The following ADGRF1 variants were observed in gnomAD, a reference collection of about 807,000 sequenced individuals.
ADGRF1 encodes the protein adhesion G protein-coupled receptor F1.
A neutral mutation model predicts 87.2 loss-of-function variants in ADGRF1; 85 were observed. The observed-to-expected ratio is 0.97, with a 90% confidence interval of 0.82 to 1.17. ADGRF1 has a LOEUF of 1.17. Ranked by LOEUF, ADGRF1 falls within the 50% of genes most tolerant of loss-of-function variation. ADGRF1 has a pLI of 0.00. For missense variants in ADGRF1, 1,169 were observed against 1,077.2 expected (o/e 1.09, Z -1.19); for synonymous variants, 430 against 408.8 (o/e 1.05, Z -0.63).
intron 5 of ADGRF1, among the ~76,000 whole-genome samples, 181 bp downstream of exon 5, chr6:47,023,863 T>C (rs1472101764): frequency 6.6e-6 from 1 of 152,220 alleles, no homozygotes; most frequent in Non-Finnish European, 1.5e-5. Flanking sequence ...CATGTGTTTC[T>C]GGATCTTCTG....
Position 47,032,813 on chromosome 6 carries a change from C to A in ADGRF1, c.-43-3709G>T, listed in dbSNP as rs548411253. 3.9e-5 allele frequency among the ~76,000 whole-genome samples: 6 copies of A among 152,246 alleles called. No homozygotes were observed. In the South Asian group the frequency reaches 1.2e-3, roughly 32 times the overall value. On this transcript the variant is annotated intron_variant, in intron 1 of 14. Transcript: ENST00000371253. ...TGTCAGAATTTGACTTCTCTGAGTG[C>A]ACTTGGGTTAACTGATGGCCATCAC...
At chr6:47,020,200 T>C (rs1056614592) in intron 7 of ADGRF1, 2 of 1,204,200 alleles carry the variant, frequency 1.7e-6, no homozygotes, top group Non-Finnish European at 2.1e-6. Flanking sequence ...CTTTCCAATA[T>C]TTAAGGTCCT....
chr6:47,022,864 G>A (rs1273260008), intron 5 of ADGRF1, among the ~76,000 whole-genome samples: 1 of 144,100 alleles, frequency 6.9e-6, no homozygotes, highest in Non-Finnish European at 1.5e-5. Flanking sequence ...AGTGTGCAGT[G>A]GCACGATCTT....
chr6:47,019,681 C>T, intron 7 of ADGRF1: 16 of 592,494 alleles, frequency 2.7e-5, no homozygotes, highest in Non-Finnish European at 2.8e-5. Context: ...GAGACTCCAT[C>T]TCAAAAAAAA....
intron 1 of ADGRF1, among the ~76,000 whole-genome samples, chr6:47,034,059 T>C (rs948702842): frequency 2.0e-5 from 3 of 152,264 alleles, no homozygotes; most frequent in Admixed American, 6.5e-5. Flanking sequence ...CATTCATGTT[T>C]ATAAACACAG....
At chr6:47,032,783 G>A (rs1780466802) in intron 1 of ADGRF1, among the ~76,000 whole-genome samples, 1 of 152,186 alleles carries the variant, frequency 6.6e-6, no homozygotes, top group African/African-American at 2.4e-5. Context: ...TTACTTGCTG[G>A]ATTGTGTCAG....
At chr6:47,013,527 G>A (rs1333288757) in intron 9 of ADGRF1, 2 of 985,360 alleles carry the variant, frequency 2.0e-6, no homozygotes, top group Non-Finnish European at 2.4e-6. Flanking sequence ...AACAGTATCT[G>A]TGAACTGGTC....
At chr6:47,022,804 C>CTTTTTTTTTTTT (rs11286179) in intron 5 of ADGRF1, among the ~76,000 whole-genome samples, 85 of 119,218 alleles carry the variant, frequency 7.1e-4, no homozygotes, top group East Asian at 1.2e-3. Context: ...TTTCTTTTTT[C>CTTTTTTTTTTTT]TTTTTTTTTT....
rs771458223 is a variant in ADGRF1 at position 47,009,939 on chromosome 6, G to A, written c.1496C>T (p.Ala499Val). Residue 499 changes from alanine to valine, a missense_variant, in exon 11 of 15, where the codon GCT becomes GTT. Transcript: ENST00000371253. ...GGATATCACAGGTCCATTGACCTGA[G>A]CATTTCCATTTTTGGAAACGGGTAG... ...NILPVSKNGN[A>V]QVNGPVISTV... 32 of 1,614,160 alleles carry A rather than the reference G, an allele frequency of 2.0e-5. No individual in the cohort carries two copies. The East Asian group carries it at 5.1e-4, about 26-fold the overall frequency.
At chr6:47,014,970 G>A in intron 8 of ADGRF1, 126 bp from the exon 9 acceptor site, 2 of 1,296,398 alleles carry the variant, frequency 1.5e-6, no homozygotes, top group Non-Finnish European at 2.0e-6. Context: ...GCAAAATTCA[G>A]AAGTAAGAGA....
In ADGRF1 at chr6:47,002,383, GA is replaced by G. The variant is rs151124370; in HGVS notation, c.2593-817del. On this transcript the variant is annotated intron_variant, in intron 13 of 14. Coordinates refer to ENST00000371253, the MANE Select transcript of ADGRF1 (RefSeq NM_153840.4). ...CTGGTATTAAGGCACACTGAGTTCTGAAAAAAAAAAGCTACAAAAATAAGAA... is the reference window on the plus strand; with the variant it reads ...CTGGTATTAAGGCACACTGAGTTCTGAAAAAAAAAGCTACAAAAATAAGAA... 3.4e-4 allele frequency among the ~76,000 whole-genome samples: 49 copies of G among 142,854 alleles called. 1 individual carries two copies. The South Asian group carries it at 6.7e-3, about 19-fold the overall frequency. The allele number at this position is 142,854 out of a possible 152,430, so 93.7% of individuals were successfully genotyped here. A position where few individuals can be genotyped will look rare whatever the true frequency, so the allele number is the denominator to read the frequency against.
chr6:47,016,307 G>A (rs958968942), intron 8 of ADGRF1, among the ~76,000 whole-genome samples: 6 of 152,086 alleles, frequency 3.9e-5, no homozygotes, highest in African/African-American at 1.4e-4. Context: ...TCAGCCTCAG[G>A]GCTCTTTCAA....
intron 9 of ADGRF1, chr6:47,013,429 T>C: frequency 2.0e-6 from 2 of 985,442 alleles, no homozygotes; most frequent in Non-Finnish European, 2.4e-6. Flanking sequence ...CTCTGATGAA[T>C]ACTATTCTGG....
At chr6:47,026,489 G>A (rs929486044) in intron 3 of ADGRF1, among the ~76,000 whole-genome samples, 10 of 151,874 alleles carry the variant, frequency 6.6e-5, no homozygotes, top group South Asian at 2.1e-4. Flanking sequence ...GCTGCGTGTG[G>A]GTATTTATAT....
Position 47,010,091 on chromosome 6 carries a change from C to T in ADGRF1, c.1344G>A (p.Gln448=). Residue 448 remains glutamine (Q), a synonymous_variant, in exon 11 of 15, where the codon CAG becomes CAA. Transcript: ENST00000371253. ...KSQLKRGYSY[Q]IKMCPQNTSI... is the part of the protein sequence containing the mutation. Reference sequence around the variant, plus strand: ...ATGTATTTTGGGGACACATTTTAATCTGATAGCTGTAACCCCTTTTGAGTT... The same window carrying T: ...ATGTATTTTGGGGACACATTTTAATTTGATAGCTGTAACCCCTTTTGAGTT... 1 of 1,614,158 alleles carries T rather than the reference C, an allele frequency of 6.2e-7. No individual in the cohort carries two copies. Among genetic ancestry groups the T allele is most frequent in the Non-Finnish European group, 8.5e-7 (1 of 1,180,028 alleles).
At chr6:47,015,293 C>A (rs942438155) in intron 8 of ADGRF1, among the ~76,000 whole-genome samples, 2 of 152,218 alleles carry the variant, frequency 1.3e-5, no homozygotes, top group African/African-American at 4.8e-5. Context: ...ACCTGTACCT[C>A]TTTAAGCATA....
rs1308078840 is a variant in ADGRF1 at position 47,010,199 on chromosome 6, G to A, written c.1236C>T (p.Ser412=). ...GAAGAGCTGTCGGAGGCACCAGAGT[G>A]CTGATGTTTTCTAATGTCTCTAGTA... is the stretch of plus-strand genomic sequence containing the variant. ...SRLLETLENI[S]TLVPPTALPL... is the part of the protein sequence containing the mutation. The change falls in exon 11 of 15, where the codon AGC becomes AGT. Residue 412 remains serine (S), a synonymous_variant. Coordinates refer to ENST00000371253, the MANE Select transcript of ADGRF1 (RefSeq NM_153840.4). 1 of 1,614,062 alleles carries A rather than the reference G, an allele frequency of 6.2e-7. No homozygotes were observed. The highest frequency in any genetic ancestry group is 1.7e-5 in the Admixed American group (1 of 60,018).
chr6:47,024,098 A>C lies in ADGRF1; in HGVS notation c.397T>G (p.Cys133Gly), dbSNP rs1438221206. 1 of 1,614,022 alleles carries C rather than the reference A, an allele frequency of 6.2e-7. No homozygotes were observed. Among genetic ancestry groups the C allele is most frequent in the Non-Finnish European group, 8.5e-7 (1 of 1,180,002 alleles). ...CTGAGGTTGTTGAGATGACATTCAC[A>C]GCTTGGGAGTGCTCCAGCCGTGTGA... ...YLHTAGALPS[C>G]ECHLNNLSQS... The change falls in exon 5 of 15, where the codon TGT (cysteine) becomes GGT (glycine). Residue 133 changes from cysteine (C) to glycine (G), a missense_variant. Physicochemically the swap from Cys to Gly is radical, Grantham distance 159. Transcript: ENST00000371253.
chr6:46,999,952 G>C lies in ADGRF1; in HGVS notation c.*270C>G. 2.9e-6 allele frequency: 1 copy of C among 347,950 alleles called. No homozygotes were observed. Among genetic ancestry groups the C allele is most frequent in the Non-Finnish European group, 5.3e-6 (1 of 186,976 alleles). 21.6% of individuals were successfully genotyped at this position (347,950 alleles called of 1,614,324 possible). ...AAATAGAAACCATATTTTATGGTCA[G>C]GGTACAACTGACACGATTTCCAACA... On this transcript the variant is annotated 3_prime_UTR_variant, in exon 15 of 15. Coordinates refer to ENST00000371253, the MANE Select transcript of ADGRF1 (RefSeq NM_153840.4).
Sources: gnomAD v4.1 joint callset for allele counts (sites outside exome capture counted in the v4.1 genomes callset) on GRCh38, gnomAD v4.1.1 for gene constraint, MANE v1.5 for transcripts, NCBI Gene and HGNC (gene_info 2026-07-23, HGNC 2026-07-21) for gene names.